The following VWA8 variants were observed in gnomAD, a reference collection of about 807,000 sequenced individuals.
The protein encoded by VWA8 is von Willebrand factor A domain containing 8.
Under a neutral mutation model 241.5 loss-of-function variants are expected in VWA8, and 221 were observed. The ratio of observed to expected loss-of-function variants is 0.91; its 90% CI spans 0.82 to 1.02. VWA8 has a LOEUF of 1.02. Among genes scored for constraint, VWA8 ranks in the 50% least tolerant of loss-of-function variants. VWA8 has a pLI of 0.00. For missense variants in VWA8, 2,322 were observed against 2,328.7 expected (o/e 1.00, Z 0.06); for synonymous variants, 852 against 827.1 (o/e 1.03, Z -0.52).
intron 4 of VWA8, 95 bp from the exon 5 acceptor site, chr13:41,891,682 G>T: frequency 1.5e-6 from 2 of 1,311,848 alleles, no homozygotes; most frequent in South Asian, 2.7e-5. Context: ...TGCAGTTCTT[G>T]TTATAGGGAC....
In VWA8 at chr13:41,868,501, G is replaced by A. The variant is rs753321122; in HGVS notation, c.1081-24C>T. ...CGCTGTAAAATTACAAGAAAATCAT[G>A]CAATTTACTTTTCATTTTAGCATTA... On this transcript the variant is annotated intron_variant, in intron 9 of 44. Coordinates refer to ENST00000379310, the MANE Select transcript of VWA8 (RefSeq NM_015058.2). 8.7e-6 allele frequency: 14 copies of A among 1,602,822 alleles called. No individual in the cohort carries two copies. In the Admixed American group the frequency reaches 2.4e-4, roughly 28 times the overall value.
chr13:41,960,409 C>T (rs781131684), intron 1 of VWA8, among the ~76,000 whole-genome samples: 14 of 152,182 alleles, frequency 9.2e-5, no homozygotes, highest in Non-Finnish European at 1.3e-4. Context: ...AGAATGTTCC[C>T]TTCTAAGCCG....
intron 13 of VWA8, among the ~76,000 whole-genome samples, chr13:41,831,516 G>C (rs1007738740): frequency 6.6e-6 from 1 of 151,718 alleles, no homozygotes; most frequent in Non-Finnish European, 1.5e-5. Flanking sequence ...TTGACTGTAC[G>C]TTAGAATCTT....
In VWA8 at chr13:41,832,454, G is replaced by A. The variant is rs535819032; in HGVS notation, c.1586+917C>T. Among the ~76,000 whole-genome samples the A allele has an allele frequency of 6.6e-5, 10 of 152,128 alleles. No homozygotes were observed. In the South Asian group the frequency reaches 1.7e-3, roughly 25 times the overall value. On this transcript the variant is annotated intron_variant, in intron 13 of 44. Transcript: ENST00000379310. ...TATTGTAAATCTATGGAACGTTTAT[G>A]GTAAATCACTGAAAGTTTGTGACTA...
At chr13:41,929,825 G>T (rs1593877832) in intron 2 of VWA8, among the ~76,000 whole-genome samples, 1 of 152,148 alleles carries the variant, frequency 6.6e-6, no homozygotes, top group East Asian at 1.9e-4. Context: ...CCTTGGCAAT[G>T]ATTTCTTTTT....
chr13:41,727,436 G>A (rs946592966), intron 23 of VWA8, 123 bp from the exon 24 acceptor site: 19 of 887,148 alleles, frequency 2.1e-5, no homozygotes, highest in Non-Finnish European at 2.7e-5. Flanking sequence ...TAAGATATTT[G>A]GCTGTGATAA....
At chr13:41,790,294 C>G (rs1007690089) in intron 17 of VWA8, among the ~76,000 whole-genome samples, 1 of 152,096 alleles carries the variant, frequency 6.6e-6, no homozygotes, top group Non-Finnish European at 1.5e-5. Context: ...AGTTTTAACA[C>G]TGTGTATGAT....
At position 41,865,932 on chromosome 13, in the gene VWA8, C is replaced by G; in HGVS notation, c.1317G>C (p.Met439Ile). 1 of 1,614,162 alleles carries G rather than the reference C, an allele frequency of 6.2e-7. No homozygotes were observed. Among genetic ancestry groups the G allele is most frequent in the Non-Finnish European group, 8.5e-7 (1 of 1,180,032 alleles). ...QLQAEMMQSH[M>I]VKDICLIGGK... is the part of the protein sequence containing the mutation. ...CTCCAATTAAACATATATCTTTAAC[C>G]ATGTGAGACTGCATCATTTCAGCCT... The change falls in exon 11 of 45, where the codon ATG becomes ATC. Residue 439 changes from methionine to isoleucine, a missense_variant. Met to Ile is a conservative substitution (Grantham distance 10). Coordinates refer to ENST00000379310, the MANE Select transcript of VWA8 (RefSeq NM_015058.2).
chr13:41,854,074 T>G (rs1318631636), intron 12 of VWA8, among the ~76,000 whole-genome samples: 1 of 152,192 alleles, frequency 6.6e-6, no homozygotes, highest in Admixed American at 6.5e-5. Context: ...TACATATATG[T>G]GCACTTGTTT....
At chr13:41,912,298 A>T in intron 2 of VWA8, 130 bp from the exon 3 acceptor site, 13 of 643,416 alleles carry the variant, frequency 2.0e-5, no homozygotes, top group Non-Finnish European at 2.8e-5. Context: ...TGTATTTATA[A>T]ACATATGTAT....
At chr13:41,614,372 C>T (rs2044608116) in intron 38 of VWA8, among the ~76,000 whole-genome samples, 2 of 152,106 alleles carry the variant, frequency 1.3e-5, no homozygotes, top group African/African-American at 4.8e-5. Context: ...CTCCAGCTGC[C>T]GCAGAGGAAA....
intron 12 of VWA8, among the ~76,000 whole-genome samples, chr13:41,841,451 T>C (rs888639817): frequency 6.6e-6 from 1 of 152,066 alleles, no homozygotes; most frequent in Non-Finnish European, 1.5e-5. Flanking sequence ...TAAGTACATC[T>C]CTAAGTAGAT....
intron 21 of VWA8, among the ~76,000 whole-genome samples, chr13:41,750,764 T>C (rs1258021808): frequency 6.6e-6 from 1 of 152,176 alleles, no homozygotes; most frequent in Admixed American, 6.5e-5. Flanking sequence ...AGATGAGGAA[T>C]TGCTTATTGT....
chr13:41,938,972 T>C (rs1877474318), intron 2 of VWA8, among the ~76,000 whole-genome samples: 2 of 152,206 alleles, frequency 1.3e-5, no homozygotes, highest in Non-Finnish European at 1.5e-5. Context: ...CTCAAAATTA[T>C]TTACAAACTA....
intron 12 of VWA8, among the ~76,000 whole-genome samples, chr13:41,838,811 G>A (rs547042472): frequency 1.5e-4 from 23 of 152,210 alleles, no homozygotes; most frequent in African/African-American, 5.5e-4. Context: ...CCATGTCCCT[G>A]CAAAGGACAT....
chr13:41,618,314 T>G (rs941282849), intron 37 of VWA8, among the ~76,000 whole-genome samples: 2 of 152,256 alleles, frequency 1.3e-5, no homozygotes, highest in Admixed American at 1.3e-4. Context: ...TGCCCACTTT[T>G]TGATGGGGTT....
At chr13:41,878,238 C>T (rs1487133026) in intron 9 of VWA8, among the ~76,000 whole-genome samples, 2 of 151,874 alleles carry the variant, frequency 1.3e-5, no homozygotes, top group Non-Finnish European at 2.9e-5. Context: ...CCAAATTCAA[C>T]AATATTTTAT....
chr13:41,924,127 GAT>G (rs1876707279), intron 2 of VWA8, among the ~76,000 whole-genome samples: 1 of 152,030 alleles, frequency 6.6e-6, no homozygotes, highest in Non-Finnish European at 1.5e-5. Flanking sequence ...AATTCAGCAA[GAT>G]ATAAGAGAAT....
chr13:41,860,525 C>T (rs1007404493), intron 12 of VWA8, among the ~76,000 whole-genome samples: 1 of 152,126 alleles, frequency 6.6e-6, no homozygotes, highest in African/African-American at 2.4e-5. Flanking sequence ...AATAGAAAGT[C>T]CTGCCATTAA....
Sources: gnomAD v4.1 joint callset for allele counts (sites outside exome capture counted in the v4.1 genomes callset) on GRCh38, gnomAD v4.1.1 for gene constraint, MANE v1.5 for transcripts, NCBI Gene and HGNC (gene_info 2026-07-23, HGNC 2026-07-21) for gene names.